The following MFSD6 variants were observed in gnomAD, a reference collection of about 807,000 sequenced individuals.
MFSD6 encodes the protein major facilitator superfamily domain-containing protein 6.
Under a neutral mutation model 56.3 loss-of-function variants are expected in MFSD6, and 26 were observed. That is an observed-to-expected ratio of 0.46 (90% CI 0.34 to 0.64). The LOEUF is 0.64. MFSD6 is among the 30% of genes least tolerant of loss of function. The pLI, the probability that MFSD6 is intolerant of heterozygous loss-of-function variation, is 0.01. For synonymous variants in MFSD6, 331 were observed against 366.9 expected (o/e 0.90, Z 1.12); for missense variants, 750 against 986.2 (o/e 0.76, Z 3.21).
rs185633397 is a variant in MFSD6, at chr2:190,491,267, C to T, written c.1891+1401C>T. 2.0e-5 allele frequency among the ~76,000 whole-genome samples: 3 copies of T among 152,226 alleles called. No individual in the cohort carries two copies. The East Asian group carries it at 5.8e-4, about 29-fold the overall frequency. ...ATTGGGAAAATGGCAAGATAGGAGG[C>T]AGGATTAGGTTGCAGCTCACACTCA... On this transcript the variant is annotated intron_variant, in intron 6 of 7. Transcript: ENST00000392328. The surrounding 1 kb of genome is among the most constrained non-coding windows in gnomAD (Gnocchi z 4.2).
chr2:190,462,738 C>T lies in MFSD6; in HGVS notation c.1533-7020C>T, dbSNP rs1015348544. Among the ~76,000 whole-genome samples the T allele has an allele frequency of 6.6e-6, 1 of 152,170 alleles. No homozygotes were observed. Among genetic ancestry groups the T allele is most frequent in the African/African-American group, 2.4e-5 (1 of 41,434 alleles). On this transcript the variant is annotated intron_variant, in intron 3 of 7. Transcript: ENST00000392328. This position sits in a 1 kb window ranked among gnomAD's most constrained non-coding sequence, Gnocchi z 5.7. Reference sequence around the variant, plus strand: ...CTTTCAACAGTGGGACTCTCAAAATCAGAGGTACCAGTGCCCCAAGTCATA... The same window carrying T: ...CTTTCAACAGTGGGACTCTCAAAATTAGAGGTACCAGTGCCCCAAGTCATA...
rs371364511 is a variant in MFSD6 at position 190,489,745 on chromosome 2, T to C, written c.1793-23T>C. The C allele has an allele frequency of 6.5e-5, 105 of 1,604,674 alleles. No individual in the cohort carries two copies. Among genetic ancestry groups the C allele is most frequent in the Non-Finnish European group, 8.4e-5 (98 of 1,172,292 alleles). On this transcript the variant is annotated intron_variant, in intron 5 of 7. Transcript: ENST00000392328. The surrounding 1 kb of genome is among the most constrained non-coding windows in gnomAD (Gnocchi z 6.6). ...ATCTGCATTTCTTGGAATTACTCTA[T>C]AGAGTGCTGTTTGTTTTTATAGGGG... is the stretch of plus-strand genomic sequence containing the variant.
chr2:190,432,212 T>A (rs1448261436), intron 2 of MFSD6, among the ~76,000 whole-genome samples: 1 of 152,184 alleles, frequency 6.6e-6, no homozygotes, highest in Non-Finnish European at 1.5e-5. Flanking sequence ...CTAACCAGAT[T>A]TTCTAGAGAA....
chr2:190,417,533 G>A lies in MFSD6; in HGVS notation c.-54+2120G>A, dbSNP rs1248088643. 6.6e-6 allele frequency among the ~76,000 whole-genome samples: 1 copy of A among 152,146 alleles called. No individual in the cohort carries two copies. Among genetic ancestry groups the A allele is most frequent in the East Asian group, 1.9e-4 (1 of 5,200 alleles). ...CAGCATGTGTCCTACCTACTAGTGG[G>A]TGCTCGATCTATAGCTGTAGGGTTT... On this transcript the variant is annotated intron_variant, in intron 2 of 7. Coordinates refer to ENST00000392328, the MANE Select transcript of MFSD6 (RefSeq NM_017694.4). The surrounding 1 kb of genome is among the most constrained non-coding windows in gnomAD (Gnocchi z 5.7).
At position 190,425,034 on chromosome 2, in the gene MFSD6, A is replaced by G. The variant is rs1427481356; in HGVS notation, c.-54+9621A>G. Among the ~76,000 whole-genome samples, 1 of 152,198 alleles carries G rather than the reference A, an allele frequency of 6.6e-6. No individual in the cohort carries two copies. The highest frequency in any genetic ancestry group is 1.5e-5 in the Non-Finnish European group (1 of 68,040). ...ATTTAGCTCTTTGATTTCTTTCATC[A>G]GCATTTTATGGTTTTCAGCATAAGG... On this transcript the variant is annotated intron_variant, in intron 2 of 7. Transcript: ENST00000392328. The surrounding 1 kb of genome is among the most constrained non-coding windows in gnomAD (Gnocchi z 4.3).
rs1301025317 is a variant in MFSD6 at position 190,417,957 on chromosome 2, C to T, written c.-54+2544C>T. 8.2e-6 allele frequency among the ~76,000 whole-genome samples: 1 copy of T among 121,944 alleles called. No homozygotes were observed. The highest frequency in any genetic ancestry group is 1.7e-5 in the Non-Finnish European group (1 of 59,520). 80.0% of individuals were successfully genotyped at this position (121,944 alleles called of 152,430 possible). A position where few individuals can be genotyped will look rare whatever the true frequency, so the allele number is the denominator to read the frequency against. ...TTATTATTCTGACTTTTCATTTAAC[C>T]CTTTAGTGGTGTGTGTGTGTGTGTG... On this transcript the variant is annotated intron_variant, in intron 2 of 7. Coordinates refer to ENST00000392328, the MANE Select transcript of MFSD6 (RefSeq NM_017694.4). This position sits in a 1 kb window ranked among gnomAD's most constrained non-coding sequence, Gnocchi z 5.7.
chr2:190,463,067 G>C lies in MFSD6; in HGVS notation c.1533-6691G>C, dbSNP rs551176685. Reference sequence around the variant, plus strand: ...CCATGGAGAGGACAAAAAAAGGGGAGAGAAGACAAGAGATTCCAGACAGTT... The same window carrying C: ...CCATGGAGAGGACAAAAAAAGGGGACAGAAGACAAGAGATTCCAGACAGTT... On this transcript the variant is annotated intron_variant, in intron 3 of 7. Coordinates refer to ENST00000392328, the MANE Select transcript of MFSD6 (RefSeq NM_017694.4). The surrounding 1 kb of genome is among the most constrained non-coding windows in gnomAD (Gnocchi z 4.4). 6.6e-6 allele frequency among the ~76,000 whole-genome samples: 1 copy of C among 152,282 alleles called. No individual in the cohort carries two copies. Among genetic ancestry groups the C allele is most frequent in the East Asian group, 1.9e-4 (1 of 5,182 alleles).
chr2:190,493,710 C>G (rs1218396976), intron 6 of MFSD6, among the ~76,000 whole-genome samples: 1 of 152,112 alleles, frequency 6.6e-6, no homozygotes, highest in Non-Finnish European at 1.5e-5. Context: ...GAAATCAACT[C>G]CAAAAGGAAC....
chr2:190,421,430 C>T (rs1685609293), intron 2 of MFSD6, among the ~76,000 whole-genome samples: 1 of 152,082 alleles, frequency 6.6e-6, no homozygotes, highest in South Asian at 2.1e-4. Flanking sequence ...ATTTCTTTCT[C>T]AGTTTTTATT....
At position 190,436,970 on chromosome 2, in the gene MFSD6, T is replaced by G; in HGVS notation, c.941T>G (p.Leu314Arg). 1 of 1,614,230 alleles carries G rather than the reference T, an allele frequency of 6.2e-7. No homozygotes were observed. The highest frequency in any genetic ancestry group is 1.1e-5 in the South Asian group (1 of 91,088). ...GTCACAATCGTAGACACGGTCACAC[T>G]CCAGTATCTGGGAAAACACAGAGAT... ...SSVTIVDTVTLQYLGKHRDRY... is the reference protein window; with the variant it reads ...SSVTIVDTVTRQYLGKHRDRY... The change falls in exon 3 of 8, where the codon CTC becomes CGC. Residue 314 changes from leucine to arginine, a missense_variant. Leu to Arg is a moderately radical substitution (Grantham distance 102, BLOSUM62 -2). Around this residue, in one of 5 missense-constraint regions of MFSD6, gnomAD observed 376 missense variants for 437.9 expected, o/e 0.86. Transcript: ENST00000392328. This position sits in a 1 kb window ranked among gnomAD's most constrained non-coding sequence, Gnocchi z 5.3.
At position 190,499,991 on chromosome 2, in the gene MFSD6, G is replaced by A. The variant is rs1437752102; in HGVS notation, c.2173-24G>A. On this transcript the variant is annotated intron_variant, in intron 7 of 7. Coordinates refer to ENST00000392328, the MANE Select transcript of MFSD6 (RefSeq NM_017694.4). The surrounding 1 kb of genome is among the most constrained non-coding windows in gnomAD (Gnocchi z 6.0). ...TTTATTTGCTATCACTGATCATGGGGCATCTCCTGTTTTTTACCTCCAGGG... is the reference window on the plus strand; with the variant it reads ...TTTATTTGCTATCACTGATCATGGGACATCTCCTGTTTTTTACCTCCAGGG... 10 of 1,611,846 alleles carry A rather than the reference G, an allele frequency of 6.2e-6. No individual in the cohort carries two copies. Among genetic ancestry groups the A allele is most frequent in the Non-Finnish European group, 8.5e-6 (10 of 1,177,930 alleles).
At chr2:190,422,488 G>T (rs1010916866) in intron 2 of MFSD6, among the ~76,000 whole-genome samples, 2 of 152,188 alleles carry the variant, frequency 1.3e-5, no homozygotes, top group Non-Finnish European at 2.9e-5. Flanking sequence ...GAAATTGCAT[G>T]TGTAAAATGT....
At chr2:190,486,118 T>C (rs1179965619) in intron 4 of MFSD6, among the ~76,000 whole-genome samples, 1 of 152,236 alleles carries the variant, frequency 6.6e-6, no homozygotes, top group Non-Finnish European at 1.5e-5. Context: ...TAAGATTATG[T>C]AGATGAGACC....
chr2:190,408,569 G>C (rs1332370824), intron 1 of MFSD6, 66 bp downstream of exon 1: 3 of 151,804 alleles, frequency 2.0e-5, no homozygotes, highest in South Asian at 2.1e-4. Flanking sequence ...CGCCCCGCAC[G>C]GGCCCAGCCG....
At position 190,461,198 on chromosome 2, in the gene MFSD6, A is replaced by AC. The variant is rs1687310491; in HGVS notation, c.1533-8558dup. On this transcript the variant is annotated intron_variant, in intron 3 of 7. Coordinates refer to ENST00000392328, the MANE Select transcript of MFSD6 (RefSeq NM_017694.4). The surrounding 1 kb of genome is among the most constrained non-coding windows in gnomAD (Gnocchi z 5.5). ...AGACAGTGATCCCTTCAGGTTGAGA[A>AC]CCATGGGTCAGACATCACACATCAT... is the stretch of plus-strand genomic sequence containing the variant. Among the ~76,000 whole-genome samples the AC allele has an allele frequency of 6.6e-6, 1 of 152,208 alleles. No homozygotes were observed. The highest frequency in any genetic ancestry group is 2.4e-5 in the African/African-American group (1 of 41,452).
chr2:190,473,825 C>G (rs1688107094), intron 4 of MFSD6, among the ~76,000 whole-genome samples: 1 of 152,188 alleles, frequency 6.6e-6, no homozygotes, highest in Non-Finnish European at 1.5e-5. Flanking sequence ...GTAAAGCACT[C>G]CTCAGCAAAT....
At chr2:190,409,954 G>T (rs984042665) in intron 1 of MFSD6, among the ~76,000 whole-genome samples, 1 of 152,168 alleles carries the variant, frequency 6.6e-6, no homozygotes, top group Non-Finnish European at 1.5e-5. Flanking sequence ...ATGCTCTGGG[G>T]AAACAGGAGG....
rs542217006 is a variant in MFSD6, at chr2:190,447,973, G to A, written c.1532+10412G>A. ...TCATAGTTAAGAAGAAAAGGCCATT[G>A]TTGCAAAGTGGTATAAATGGATCCA... On this transcript the variant is annotated intron_variant, in intron 3 of 7. Transcript: ENST00000392328. This position sits in a 1 kb window ranked among gnomAD's most constrained non-coding sequence, Gnocchi z 4.5. Among the ~76,000 whole-genome samples the A allele has an allele frequency of 6.6e-6, 1 of 152,154 alleles. No individual in the cohort carries two copies. Among genetic ancestry groups the A allele is most frequent in the Non-Finnish European group, 1.5e-5 (1 of 68,024 alleles).
rs1171736552 is a variant in MFSD6 at position 190,467,890 on chromosome 2, C to T, written c.1533-1868C>T. On this transcript the variant is annotated intron_variant, in intron 3 of 7. Coordinates refer to ENST00000392328, the MANE Select transcript of MFSD6 (RefSeq NM_017694.4). The surrounding 1 kb of genome is among the most constrained non-coding windows in gnomAD (Gnocchi z 5.5). Reference sequence around the variant, plus strand: ...ATTGCCTGTGGCTGCTTTCATGCTACAGCAGCAGAGCTGAGGAGCTGCAAC... The same window carrying T: ...ATTGCCTGTGGCTGCTTTCATGCTATAGCAGCAGAGCTGAGGAGCTGCAAC... 1.3e-5 allele frequency among the ~76,000 whole-genome samples: 2 copies of T among 152,204 alleles called. No individual in the cohort carries two copies. Among genetic ancestry groups the T allele is most frequent in the African/African-American group, 4.8e-5 (2 of 41,450 alleles).
Sources: gnomAD v4.1 joint callset for allele counts (sites outside exome capture counted in the v4.1 genomes callset) on GRCh38, gnomAD v4.1.1 for gene constraint, gnomAD v4.1.1 regional missense constraint, Gnocchi (gnomAD v3.1) non-coding constraint, MANE v1.5 for transcripts, NCBI Gene and HGNC (gene_info 2026-07-23, HGNC 2026-07-21) for gene names.